Variants in RERG observed in about 807,000 individuals in gnomAD.
RERG encodes the protein ras-related and estrogen-regulated growth inhibitor.
In RERG, 25 loss-of-function variants were observed where a neutral mutation model predicts 23.2. That is an observed-to-expected ratio of 1.08 (90% CI 0.79 to 1.50). The LOEUF is 1.50. RERG is among the 40% of genes most tolerant of loss of function. RERG has a pLI of 0.00. For missense variants in RERG, 253 were observed against 250.1 expected (o/e 1.01, Z -0.08); for synonymous variants, 81 against 89.1 (o/e 0.91, Z 0.51).
intron 2 of RERG, among the ~76,000 whole-genome samples, chr12:15,214,040 GC>G (rs1865408632): frequency 4.4e-5 from 3 of 68,080 alleles, no homozygotes; most frequent in Admixed American, 2.3e-4. Context: ...GTGTGTGTGC[GC>G]GTGTGTGGAG....
At chr12:15,164,739 T>C (rs1004598672) in intron 2 of RERG, among the ~76,000 whole-genome samples, 5 of 152,198 alleles carry the variant, frequency 3.3e-5, no homozygotes, top group African/African-American at 1.2e-4. Context: ...ATTTTCCTTC[T>C]TTATCTCTCC....
At chr12:15,166,788 TCGA>T (rs1864700526) in intron 2 of RERG, among the ~76,000 whole-genome samples, 1 of 151,758 alleles carries the variant, frequency 6.6e-6, no homozygotes, top group African/African-American at 2.4e-5. Context: ...TTTTTTTTTT[TCGA>T]TATTTAAAGA....
At chr12:15,111,913 T>A (rs1185015948) in intron 3 of RERG, among the ~76,000 whole-genome samples, 1 of 152,136 alleles carries the variant, frequency 6.6e-6, no homozygotes, top group Non-Finnish European at 1.5e-5. Context: ...TGACCTTAAG[T>A]GATCCGCCTG....
intron 3 of RERG, chr12:15,114,547 C>T (rs1314188377): frequency 6.6e-6 from 1 of 152,058 alleles, no homozygotes; most frequent in Non-Finnish European, 1.5e-5. Context: ...ATAAGATTGG[C>T]AAAAATTATA....
chr12:15,155,271 G>A (rs1285159404), intron 2 of RERG: 2 of 152,088 alleles, frequency 1.3e-5, no homozygotes, highest in East Asian at 3.9e-4. Flanking sequence ...ACCAGAACCT[G>A]CCTGTTGGAA....
intron 2 of RERG, among the ~76,000 whole-genome samples, chr12:15,190,942 A>G (rs1323142267): frequency 1.3e-5 from 2 of 152,150 alleles, no homozygotes; most frequent in African/African-American, 4.8e-5. Flanking sequence ...GGTTGTCAGT[A>G]GACTTCAATT....
At chr12:15,153,100 G>A (rs1180741078) in intron 2 of RERG, among the ~76,000 whole-genome samples, 1 of 152,066 alleles carries the variant, frequency 6.6e-6, no homozygotes, top group African/African-American at 2.4e-5. Context: ...AAAAAAATTC[G>A]CACCACAATT....
intron 2 of RERG, among the ~76,000 whole-genome samples, chr12:15,138,696 G>T (rs963990969): frequency 6.6e-5 from 10 of 151,454 alleles, no homozygotes; most frequent in Admixed American, 5.3e-4. Context: ...TTGTATACTT[G>T]GGATGTAAGT....
Position 15,137,288 on chromosome 12 carries a change from T to G in RERG, c.62-16169A>C, listed in dbSNP as rs1250497576. ...TATCCCTTTACTTTTAATCTATATG[T>G]GTCTTTATATTTAAAATATATTTTA... On this transcript the variant is annotated intron_variant, in intron 2 of 4. Transcript: ENST00000256953. Among the ~76,000 whole-genome samples, 3 of 151,746 alleles carry G rather than the reference T, an allele frequency of 2.0e-5. No homozygotes were observed. In the East Asian group the frequency reaches 5.8e-4, roughly 29 times the overall value.
At chr12:15,128,292 T>A (rs1390663798) in intron 2 of RERG, among the ~76,000 whole-genome samples, 2 of 152,210 alleles carry the variant, frequency 1.3e-5, no homozygotes, top group East Asian at 3.8e-4. Flanking sequence ...AAGATTTTTG[T>A]TTTTTTCTTG....
At position 15,193,579 on chromosome 12, in the gene RERG, A is replaced by G. The variant is rs1168911359; in HGVS notation, c.61+23850T>C. Among the ~76,000 whole-genome samples, 4 of 152,116 alleles carry G rather than the reference A, an allele frequency of 2.6e-5. No individual in the cohort carries two copies. The East Asian group carries it at 7.7e-4, about 29-fold the overall frequency. ...ACTCTACACTCATCCCATGCTGCCC[A>G]CACTGGGGCTCTCTGTCTCACTTTT... On this transcript the variant is annotated intron_variant, in intron 2 of 4. Transcript: ENST00000256953.
At position 15,108,826 on chromosome 12, in the gene RERG, C is replaced by G; in HGVS notation, c.*284G>C. On this transcript the variant is annotated 3_prime_UTR_variant, in exon 5 of 5. Transcript: ENST00000256953. ...CCTACTTAAAGCAAGGTGAAGATGC[C>G]TAAAAATAGCTTAACATAAACCAGT... The G allele has an allele frequency of 3.3e-6, 1 of 299,474 alleles. No individual in the cohort carries two copies. Among genetic ancestry groups the G allele is most frequent in the Non-Finnish European group, 6.1e-6 (1 of 164,492 alleles). The allele number at this position is 299,474 out of a possible 1,614,324, so 18.6% of individuals were successfully genotyped here. A position where few individuals can be genotyped will look rare whatever the true frequency, so the allele number is the denominator to read the frequency against.
At chr12:15,165,326 T>C (rs1038044122) in intron 2 of RERG, among the ~76,000 whole-genome samples, 4 of 152,076 alleles carry the variant, frequency 2.6e-5, no homozygotes, top group Non-Finnish European at 5.9e-5. Flanking sequence ...AACAATCTTT[T>C]AACTTCTGCC....
chr12:15,169,920 A>ATGTGTGTGTGTGTGTGTG lies in RERG; in HGVS notation c.61+47491_61+47508dup, dbSNP rs61079713. Among the ~76,000 whole-genome samples, 7 of 137,696 alleles carry ATGTGTGTGTGTGTGTGTG rather than the reference A, an allele frequency of 5.1e-5. No individual in the cohort carries two copies. The Admixed American group carries it at 5.2e-4, about 10-fold the overall frequency. 90.3% of individuals were successfully genotyped at this position (137,696 alleles called of 152,430 possible). A position where few individuals can be genotyped will look rare whatever the true frequency, so the allele number is the denominator to read the frequency against. ...GAAGGACACACGTCATCTGCTAAAA[A>ATGTGTGTGTGTGTGTGTG]TGTGTGTGTGTGTGTGTGTGTGTGT... On this transcript the variant is annotated intron_variant, in intron 2 of 4. Transcript: ENST00000256953.
intron 2 of RERG, among the ~76,000 whole-genome samples, chr12:15,193,202 A>G (rs1233105807): frequency 6.6e-6 from 1 of 152,142 alleles, no homozygotes; most frequent in Non-Finnish European, 1.5e-5. Flanking sequence ...TTGTGTTCTA[A>G]GGATGACTTG....
At chr12:15,202,970 T>C (rs1344080652) in intron 2 of RERG, among the ~76,000 whole-genome samples, 1 of 151,684 alleles carries the variant, frequency 6.6e-6, no homozygotes, top group Non-Finnish European at 1.5e-5. Flanking sequence ...TCTTGTCTTT[T>C]TGCTGTTGCT....
intron 2 of RERG, among the ~76,000 whole-genome samples, chr12:15,184,816 G>A (rs1397619010): frequency 6.6e-6 from 1 of 152,158 alleles, no homozygotes; most frequent in Admixed American, 6.6e-5. Context: ...AATCTGAACT[G>A]AGGCACTTAG....
Position 15,132,499 on chromosome 12 carries a change from G to C in RERG, c.62-11380C>G, listed in dbSNP as rs138082270. On this transcript the variant is annotated intron_variant, in intron 2 of 4. Coordinates refer to ENST00000256953, the MANE Select transcript of RERG (RefSeq NM_032918.3). ...TTGGCAATTATGTTTTGGCAATAAA[G>C]ATGTGCATGCAGGTAACTGTGTAGA... Among the ~76,000 whole-genome samples, 8 of 152,320 alleles carry C rather than the reference G, an allele frequency of 5.3e-5. No homozygotes were observed. The East Asian group carries it at 1.5e-3, about 29-fold the overall frequency.
chr12:15,142,775 A>G (rs7970278), intron 2 of RERG, among the ~76,000 whole-genome samples: 86,339 of 151,906 alleles, frequency 0.57, 25,670 homozygotes, highest in Admixed American at 0.7. Context: ...TAGTTAAACC[A>G]CCTAAAAAAA....
Sources: allele counts gnomAD v4.1 joint callset (sites outside exome capture counted in the v4.1 genomes callset), GRCh38; gene constraint gnomAD v4.1.1; transcripts MANE v1.5; gene names NCBI Gene and HGNC (gene_info 2026-07-23, HGNC 2026-07-21).